SPECC1: variants seen among roughly 807,000 people sequenced by gnomAD.
SPECC1 encodes the protein sperm antigen with calponin homology and coiled-coil domains 1, also known as cytospin-B.
Under a neutral mutation model 104.1 loss-of-function variants are expected in SPECC1, and 62 were observed. The ratio of observed to expected loss-of-function variants is 0.60; its 90% CI spans 0.49 to 0.74. The LOEUF is 0.74. Ranked by LOEUF, SPECC1 falls within the 30% of genes least tolerant of loss-of-function variation. The pLI is 0.00. For synonymous variants in SPECC1, 513 were observed against 501.6 expected (o/e 1.02, Z -0.30); for missense variants, 1,306 against 1,310.5 (o/e 1.00, Z 0.05).
chr17:20,269,165 A>G (rs983437826), intron 12 of SPECC1, among the ~76,000 whole-genome samples: 1 of 152,230 alleles, frequency 6.6e-6, no homozygotes, highest in African/African-American at 2.4e-5. Context: ...TCTGTGCAAA[A>G]AAGACTTAAC....
chr17:20,112,899 T>C (rs1392594081), intron 3 of SPECC1: 1 of 1,556,932 alleles, frequency 6.4e-7, no homozygotes, highest in African/African-American at 1.4e-5. Context: ...GGGTGTGATC[T>C]TCAAGAAGCC....
intron 12 of SPECC1, among the ~76,000 whole-genome samples, chr17:20,271,733 AT>A (rs201260891): frequency 6.6e-6 from 1 of 150,678 alleles, no homozygotes; most frequent in East Asian, 1.9e-4. Context: ...GATCTTCTGT[AT>A]CCTACATCCT....
chr17:20,058,295 A>G (rs544264787), intron 1 of SPECC1, among the ~76,000 whole-genome samples: 1 of 152,160 alleles, frequency 6.6e-6, no homozygotes, highest in African/African-American at 2.4e-5. Flanking sequence ...TCCATACTGC[A>G]TGTTGAAAAG....
intron 1 of SPECC1, among the ~76,000 whole-genome samples, chr17:20,069,042 T>TAA (rs1394619745): frequency 6.6e-6 from 1 of 152,230 alleles, no homozygotes; most frequent in Non-Finnish European, 1.5e-5. Context: ...AGGGGTTTGT[T>TAA]ATACAGATTA....
chr17:20,317,739 AAAAAG>A lies in SPECC1; in HGVS notation c.*3678_*3682del. 4.6e-6 allele frequency: 1 copy of A among 216,468 alleles called. No homozygotes were observed. The highest frequency in any genetic ancestry group is 6.9e-5 in the East Asian group (1 of 14,444). The allele number at this position is 216,468 out of a possible 1,614,324, so 13.4% of individuals were successfully genotyped here. On this transcript the variant is annotated 3_prime_UTR_variant, in exon 15 of 15. Transcript: ENST00000395527. ...AGACCCTGTCACACACACACACAAAAAAAAGAAATACAGGTGGTGTTTTGGGGAAG... is the reference window on the plus strand; with the variant it reads ...AGACCCTGTCACACACACACACAAAAAAATACAGGTGGTGTTTTGGGGAAG...
chr17:20,235,243 A>G (rs183503600), intron 7 of SPECC1, among the ~76,000 whole-genome samples: 4 of 152,296 alleles, frequency 2.6e-5, no homozygotes, highest in Admixed American at 1.3e-4. Context: ...TGGCATCTCC[A>G]TATCTTAGTT....
In SPECC1 at chr17:20,253,417, C is replaced by T. The variant is rs556340353; in HGVS notation, c.2599-88C>T. On this transcript the variant is annotated intron_variant, in intron 9 of 14. Coordinates refer to ENST00000395527, the MANE Select transcript of SPECC1 (RefSeq NM_001243439.2). ...TCCACTGTGTTTAAGAACTGTTGCACACACACGCATGCACACACACACATC... is the reference window on the plus strand; with the variant it reads ...TCCACTGTGTTTAAGAACTGTTGCATACACACGCATGCACACACACACATC... 4.7e-5 allele frequency: 61 copies of T among 1,293,938 alleles called. No individual in the cohort carries two copies. In the African/African-American group the frequency reaches 7.1e-4, roughly 15 times the overall value. 80.2% of individuals were successfully genotyped at this position (1,293,938 alleles called of 1,614,324 possible).
At chr17:20,144,009 A>C (rs1304345998) in intron 3 of SPECC1, among the ~76,000 whole-genome samples, 1 of 152,124 alleles carries the variant, frequency 6.6e-6, no homozygotes, top group Non-Finnish European at 1.5e-5. Context: ...AGTTCTGTAG[A>C]GGAGAGAATA....
rs534626127 is a variant in SPECC1, at chr17:20,042,942, T to C, written c.-22+33518T>C. 6.6e-5 allele frequency among the ~76,000 whole-genome samples: 10 copies of C among 152,308 alleles called. No individual in the cohort carries two copies. In the South Asian group the frequency reaches 1.2e-3, roughly 19 times the overall value. Reference sequence around the variant, plus strand: ...TAGTGTTGAGGGTTTTTATTACCACTTACTGGGAAGAACAGGGAAAAGTAT... The same window carrying C: ...TAGTGTTGAGGGTTTTTATTACCACCTACTGGGAAGAACAGGGAAAAGTAT... On this transcript the variant is annotated intron_variant, in intron 1 of 14. Coordinates refer to ENST00000395527, the MANE Select transcript of SPECC1 (RefSeq NM_001243439.2).
chr17:20,148,929 C>T (rs892588519), intron 3 of SPECC1, among the ~76,000 whole-genome samples: 1 of 152,106 alleles, frequency 6.6e-6, no homozygotes, highest in African/African-American at 2.4e-5. Context: ...CCATGTTGGC[C>T]AGGCTGGTCT....
In SPECC1 at chr17:20,204,835, T is replaced by A. The variant is rs543326852; in HGVS notation, c.786T>A (p.Asn262Lys). 3.1e-6 allele frequency: 5 copies of A among 1,613,916 alleles called. No homozygotes were observed. The African/African-American group carries it at 5.3e-5, about 17-fold the overall frequency. ...TGATCTATCTTGAGCACTCCCCAAA[T>A]TCAGAAGGGGCAGCAAGTCACACTG... ...EKLIYLEHSP[N>K]SEGAASHTGD... Residue 262 changes from asparagine to lysine, a missense_variant, in exon 4 of 15, where the codon AAT becomes AAA. Coordinates refer to ENST00000395527, the MANE Select transcript of SPECC1 (RefSeq NM_001243439.2).
intron 1 of SPECC1, among the ~76,000 whole-genome samples, chr17:20,077,744 AGC>A (rs2046816707): frequency 6.6e-6 from 1 of 152,024 alleles, no homozygotes; most frequent in African/African-American, 2.4e-5. Context: ...TGGGGTTACA[AGC>A]GTGAGCCACC....
intron 3 of SPECC1, among the ~76,000 whole-genome samples, chr17:20,183,893 G>A (rs769300891): frequency 6.6e-5 from 10 of 151,888 alleles, no homozygotes; most frequent in South Asian, 2.1e-4. Context: ...GATGTCAACC[G>A]GGCGTGGTGG....
At chr17:20,225,677 C>T (rs2038155924) in intron 4 of SPECC1, among the ~76,000 whole-genome samples, 1 of 152,144 alleles carries the variant, frequency 6.6e-6, no homozygotes, top group Non-Finnish European at 1.5e-5. Flanking sequence ...GTCTTTCCTC[C>T]CCTCTCCGGT....
At chr17:20,115,333 C>T (rs977370691) in intron 3 of SPECC1, among the ~76,000 whole-genome samples, 3 of 151,976 alleles carry the variant, frequency 2.0e-5, no homozygotes, top group African/African-American at 4.8e-5. Context: ...ATTAGCTGGG[C>T]GCGGTGGCGG....
intron 12 of SPECC1, among the ~76,000 whole-genome samples, chr17:20,264,191 A>G (rs1393182805): frequency 6.6e-6 from 1 of 152,134 alleles, no homozygotes; most frequent in African/African-American, 2.4e-5. Context: ...ATTTCATCAA[A>G]ATACAGCGTG....
At chr17:20,064,740 C>G (rs2046304827) in intron 1 of SPECC1, among the ~76,000 whole-genome samples, 1 of 152,178 alleles carries the variant, frequency 6.6e-6, no homozygotes, top group Non-Finnish European at 1.5e-5. Flanking sequence ...CATGTACTTA[C>G]AGAAAGCCCT....
chr17:20,016,049 A>G (rs1032403214), intron 1 of SPECC1, among the ~76,000 whole-genome samples: 1 of 150,660 alleles, frequency 6.6e-6, no homozygotes, highest in Admixed American at 6.6e-5. Context: ...CTTCTACTAA[A>G]AAAAAAATAA....
intron 3 of SPECC1, among the ~76,000 whole-genome samples, chr17:20,171,847 C>T (rs868617233): frequency 3.9e-5 from 6 of 152,174 alleles, no homozygotes; most frequent in African/African-American, 1.2e-4. Flanking sequence ...GTGGTCAGCC[C>T]ACACCATGGT....
Sources: gnomAD v4.1 joint callset for allele counts (sites outside exome capture counted in the v4.1 genomes callset) on GRCh38, gnomAD v4.1.1 for gene constraint, MANE v1.5 for transcripts, NCBI Gene and HGNC (gene_info 2026-07-23, HGNC 2026-07-21) for gene names.